XAGE5: variants seen among roughly 807,000 people sequenced by gnomAD.
The protein encoded by XAGE5 is G antigen, family D, 5.
XAGE5 carries 13 observed loss-of-function variants against 13.1 expected under a neutral mutation model. That is an observed-to-expected ratio of 0.99 (90% CI 0.64 to 1.57). XAGE5 has a LOEUF of 1.57. Among genes scored for constraint, XAGE5 ranks in the 40% most tolerant of loss-of-function variants. XAGE5 has a pLI of 0.00. For synonymous variants in XAGE5, 17 were observed against 25.0 expected, an observed-to-expected ratio of 0.68 and a Z score of 0.96; for missense variants, 86 against 77.6, an observed-to-expected ratio of 1.11 and a Z score of -0.41.
intron 2 of XAGE5, 66 bp from the exon 3 acceptor site, chrX:52,812,493 C>T (rs1926818020): frequency 9.6e-7 from 1 of 1,046,002 alleles, no homozygotes; most frequent in Non-Finnish European, 1.3e-6. Flanking sequence ...AAGCTGGCCT[C>T]GAGCTTCTGA....
At chrX:52,814,830 C>T in intron 4 of XAGE5, 1 of 295,167 alleles carries the variant, frequency 3.4e-6, no homozygotes, top group South Asian at 5.9e-5. Context: ...GATTAAAATG[C>T]TATCCGTGAG....
intron 2 of XAGE5, among the ~76,000 whole-genome samples, 166 bp downstream of exon 2, chrX:52,811,885 T>G (rs1472206205): frequency 9.0e-6 from 1 of 111,090 alleles, no homozygotes; most frequent in African/African-American, 3.3e-5. Context: ...GGGCTATGCA[T>G]TCCAACAAAA....
rs1376943559 is a variant in XAGE5 at position 52,811,676 on chromosome X, T to C, written c.-52T>C. Among the ~76,000 whole-genome samples, 2 of 110,130 alleles carry C rather than the reference T, an allele frequency of 1.8e-5. No homozygotes were observed. The highest frequency in any genetic ancestry group is 3.8e-5 in the Non-Finnish European group (2 of 52,718). On this transcript the variant is annotated 5_prime_UTR_variant, in exon 2 of 6. Transcript: ENST00000375501. ...CCTGGAACTCCCAACAGAGGACAAA[T>C]TCCAGACTCCTCAAGGGACATCAAG...
rs1027120060 is a variant in XAGE5 at position 52,811,360 on chromosome X, C to T, written c.-233C>T. 8.9e-6 allele frequency among the ~76,000 whole-genome samples: 1 copy of T among 111,800 alleles called. No individual in the cohort carries two copies. Among genetic ancestry groups the T allele is most frequent in the Non-Finnish European group, 1.9e-5 (1 of 53,090 alleles). ...CCCTGAGGTCTGGATTCTTTCTCCCCTACTGAGACGCAGCCAGTAGGTCCA... is the reference window on the plus strand; with the variant it reads ...CCCTGAGGTCTGGATTCTTTCTCCCTTACTGAGACGCAGCCAGTAGGTCCA... On this transcript the variant is annotated 5_prime_UTR_variant, in exon 1 of 6. Transcript: ENST00000375501.
intron 5 of XAGE5, among the ~76,000 whole-genome samples, chrX:52,815,769 C>T (rs1309232935): frequency 5.4e-5 from 6 of 111,943 alleles, no homozygotes; most frequent in South Asian, 3.7e-4. Context: ...TTTATCATAA[C>T]GATCAGCTTC....
Position 52,811,290 on chromosome X carries a change from A to G in XAGE5, c.-303A>G, listed in dbSNP as rs1167461020. On this transcript the variant is annotated 5_prime_UTR_variant, in exon 1 of 6. Coordinates refer to ENST00000375501, the MANE Select transcript of XAGE5 (RefSeq NM_001386970.1). ...GCGCATGTTCATTGGGCACCTTGCC[A>G]TTGGCCCTTCGCCCACCCGGGAGCT... Among the ~76,000 whole-genome samples, 1 of 111,456 alleles carries G rather than the reference A, an allele frequency of 9.0e-6. No individual in the cohort carries two copies. Among genetic ancestry groups the G allele is most frequent in the Non-Finnish European group, 1.9e-5 (1 of 53,023 alleles).
rs1556777616 is a variant in XAGE5 at position 52,813,201 on chromosome X, C to G, written c.134C>G (p.Pro45Arg). ...CCAACTGAAAGTCAGGATCATACAC[C>G]TGGTCAGAAGAGAGAAGATGATCAG... ...EPPTESQDHT[P>R]GQKREDDQGA... Residue 45 changes from proline to arginine, a missense_variant, in exon 4 of 6, where the codon CCT becomes CGT. Pro to Arg is a moderately radical substitution (Grantham distance 103). Transcript: ENST00000375501. 8.3e-7 allele frequency: 1 copy of G among 1,210,958 alleles called. No individual in the cohort carries two copies. The highest frequency in any genetic ancestry group is 2.2e-5 in the Admixed American group (1 of 45,972).
intron 5 of XAGE5, among the ~76,000 whole-genome samples, 164 bp from the exon 6 acceptor site, chrX:52,818,027 G>T (rs1247011584): frequency 1.8e-5 from 2 of 111,951 alleles, no homozygotes; most frequent in Non-Finnish European, 3.8e-5. Flanking sequence ...TATCCTCAAA[G>T]TCTCTACAGA....
chrX:52,815,283 A>G (rs1926885717), intron 5 of XAGE5, 66 bp downstream of exon 5: 3 of 1,097,355 alleles, frequency 2.7e-6, no homozygotes, highest in Non-Finnish European at 3.7e-6. Flanking sequence ...ACTTTTGATA[A>G]TAAAAGGAGA....
At chrX:52,814,084 T>C (rs781839163) in intron 4 of XAGE5, 24 of 231,664 alleles carry the variant, frequency 1.0e-4, no homozygotes, top group African/African-American at 5.4e-4. Context: ...GGAGAAGGAA[T>C]TCATATTTTG....
chrX:52,816,237 C>T (rs1926903802), intron 5 of XAGE5, among the ~76,000 whole-genome samples: 1 of 112,412 alleles, frequency 8.9e-6, no homozygotes, highest in African/African-American at 3.2e-5. Context: ...AACCACCTCC[C>T]TCACCGGACC....
chrX:52,813,358 A>C, intron 4 of XAGE5, 113 bp downstream of exon 4: 9 of 748,134 alleles, frequency 1.2e-5, no homozygotes, highest in East Asian at 6.6e-5. Flanking sequence ...AAGGATCTCA[A>C]ACATTTGCTG....
rs1556777314 is a variant in XAGE5, at chrX:52,811,567, A to G, written c.-161A>G. 9.0e-6 allele frequency among the ~76,000 whole-genome samples: 1 copy of G among 111,066 alleles called. No homozygotes were observed. Among genetic ancestry groups the G allele is most frequent in the African/African-American group, 3.3e-5 (1 of 30,501 alleles). ...TTGTAGGGGTCAGGACGAAGGAAGAAGGAGGGCTTCGGAGTGCGACGGGGG... is the reference window on the plus strand; with the variant it reads ...TTGTAGGGGTCAGGACGAAGGAAGAGGGAGGGCTTCGGAGTGCGACGGGGG... On this transcript the variant is annotated 5_prime_UTR_variant, in exon 2 of 6. Coordinates refer to ENST00000375501, the MANE Select transcript of XAGE5 (RefSeq NM_001386970.1).
rs190683873 is a variant in XAGE5 at position 52,811,300 on chromosome X, C to T, written c.-293C>T. On this transcript the variant is annotated 5_prime_UTR_variant, in exon 1 of 6. Coordinates refer to ENST00000375501, the MANE Select transcript of XAGE5 (RefSeq NM_001386970.1). ...ATTGGGCACCTTGCCATTGGCCCTT[C>T]GCCCACCCGGGAGCTGTGATCCTGC... Among the ~76,000 whole-genome samples, 2 of 111,501 alleles carry T rather than the reference C, an allele frequency of 1.8e-5. No homozygotes were observed. Among genetic ancestry groups the T allele is most frequent in the African/African-American group, 3.3e-5 (1 of 30,706 alleles).
chrX:52,812,363 C>T, intron 2 of XAGE5, 196 bp from the exon 3 acceptor site: 1 of 360,160 alleles, frequency 2.8e-6, no homozygotes. Flanking sequence ...AACATTCGCC[C>T]CCCGGTTCAA....
rs1556777497 is a variant in XAGE5, at chrX:52,812,612, C to T, written c.46C>T (p.Leu16Phe). The T allele has an allele frequency of 1.7e-6, 2 of 1,211,653 alleles. No individual in the cohort carries two copies. The highest frequency in any genetic ancestry group is 3.5e-5 in the African/African-American group (2 of 57,834). ...ATATAGACCAAGACGATGTTTACGA[C>T]TTGCTCAGCTGGTTGGGCCTATGCT... The part of the protein sequence containing the change: ...RRYRPRRCLR[L>F]AQLVGPMLEP... Residue 16 changes from leucine to phenylalanine, a missense_variant, in exon 3 of 6, where the codon CTT becomes TTT. Coordinates refer to ENST00000375501, the MANE Select transcript of XAGE5 (RefSeq NM_001386970.1).
intron 4 of XAGE5, among the ~76,000 whole-genome samples, chrX:52,813,642 G>A (rs1279082342): frequency 9.0e-6 from 1 of 111,566 alleles, no homozygotes; most frequent in African/African-American, 3.3e-5. Flanking sequence ...GGAGTGCCAA[G>A]TCACCCTACC....
In XAGE5 at chrX:52,812,610, G is replaced by A. The variant is rs782286603; in HGVS notation, c.44G>A (p.Arg15Gln). ...AGATATAGACCAAGACGATGTTTAC[G>A]ACTTGCTCAGCTGGTTGGGCCTATG... ...GRRYRPRRCL[R>Q]LAQLVGPMLE... The change falls in exon 3 of 6, where the codon CGA (arginine) becomes CAA (glutamine). Residue 15 changes from arginine (R) to glutamine (Q), a missense_variant. Transcript: ENST00000375501. The A allele has an allele frequency of 2.7e-5, 33 of 1,209,969 alleles. No homozygotes were observed. Among genetic ancestry groups the A allele is most frequent in the Middle Eastern group, 2.3e-4 (1 of 4,372 alleles).
intron 5 of XAGE5, 145 bp from the exon 6 acceptor site, chrX:52,818,046 T>G (rs1462269286): frequency 1.8e-5 from 12 of 649,466 alleles, no homozygotes; most frequent in South Asian, 3.1e-5. Context: ...GAGGTCTAGT[T>G]GAATATTAGC....
Sources: allele counts gnomAD v4.1 joint callset (sites outside exome capture counted in the v4.1 genomes callset), GRCh38; gene constraint gnomAD v4.1.1; transcripts MANE v1.5; gene names NCBI Gene and HGNC (gene_info 2026-07-23, HGNC 2026-07-21).